Variants in RP1 observed in about 807,000 individuals in gnomAD.
RP1 encodes the protein RP1 axonemal microtubule associated, also known as oxygen-regulated protein 1.
RP1 carries 16 observed loss-of-function variants against 14.8 expected under a neutral mutation model. That is an observed-to-expected ratio of 1.08 (90% confidence interval 0.73 to 1.65). The LOEUF is 1.65. Ranked by LOEUF, RP1 falls within the 40% of genes most tolerant of loss-of-function variation. RP1 has a pLI of 0.00. For missense variants in RP1, 2,631 were observed against 2,535.0 expected, an observed-to-expected ratio of 1.04 and a Z score of -0.81; for synonymous variants, 876 against 883.6, an observed-to-expected ratio of 0.99 and a Z score of 0.15.
At chr8:54,823,636 CT>C (rs1037079010) in intron 24 of RP1, among the ~76,000 whole-genome samples, 1 of 151,960 alleles carries the variant, frequency 6.6e-6, no homozygotes, top group African/African-American at 2.4e-5. Flanking sequence ...AGCCAGTTTG[CT>C]TTTTTTTATT....
At position 54,837,525 on chromosome 8, in the gene RP1, T is replaced by C. The variant is rs116299656; in HGVS notation, c.3691T>C (p.Tyr1231His). 3.7e-4 allele frequency: 455 copies of C among 1,231,592 alleles called. No homozygotes were observed. The African/African-American group carries it at 6.5e-3, about 18-fold the overall frequency. 76.3% of individuals were successfully genotyped at this position (1,231,592 alleles called of 1,614,324 possible). ...CAACACTGGAAAGAATCCCAGGTGG[T>C]ATCTGGAAGAAGTTAGACTTGAAAA... The change falls in exon 25 of 29, where the codon TAT becomes CAT. Residue 1231 changes from tyrosine to histidine, a missense_variant. Physicochemically the swap from Tyr to His is moderately conservative, Grantham distance 83. Transcript: ENST00000637698.
chr8:54,819,937 G>A (rs538678253), intron 24 of RP1, among the ~76,000 whole-genome samples: 7 of 152,032 alleles, frequency 4.6e-5, no homozygotes, highest in African/African-American at 7.3e-5. Flanking sequence ...TGGGTCTCAC[G>A]CAAGATCCGC....
intron 24 of RP1, among the ~76,000 whole-genome samples, chr8:54,829,792 G>A (rs1477239537): frequency 6.6e-6 from 1 of 152,038 alleles, no homozygotes; most frequent in African/African-American, 2.4e-5. Flanking sequence ...CCCTTATCTG[G>A]TGAGAAAAGT....
intron 25 of RP1, among the ~76,000 whole-genome samples, chr8:54,847,260 T>G (rs1017632448): frequency 6.6e-6 from 1 of 152,226 alleles, no homozygotes; most frequent in African/African-American, 2.4e-5. Context: ...TCACAAGTGA[T>G]GTCTCTTCTA....
At position 54,785,774 on chromosome 8, in the gene RP1, T is replaced by C. The variant is rs185677553; in HGVS notation, c.3615+2064T>C. 5.9e-5 allele frequency among the ~76,000 whole-genome samples: 9 copies of C among 152,246 alleles called. No homozygotes were observed. The East Asian group carries it at 1.5e-3, about 26-fold the overall frequency. On this transcript the variant is annotated intron_variant, in intron 24 of 28. Coordinates refer to the RP1 transcript ENST00000637698. ...ATTGTGATTTTGATATGTATTTCCT[T>C]AATGACTAATGATGTTGAGCACCTT... is the stretch of plus-strand genomic sequence containing the variant.
rs771475321 is a variant in RP1, at chr8:54,626,622, A to G, written c.2740A>G (p.Asn914Asp). The G allele has an allele frequency of 1.9e-6, 3 of 1,613,636 alleles. No homozygotes were observed. The highest frequency in any genetic ancestry group is 1.7e-4 in the Middle Eastern group (1 of 6,060). The change falls in exon 4 of 4, where the codon AAT becomes GAT. Residue 914 changes from asparagine to aspartate, a missense_variant. Asn to Asp is a conservative substitution (Grantham distance 23). Coordinates refer to ENST00000220676, the MANE Select transcript of RP1 (RefSeq NM_006269.2). ...PEAIAHHSIQ[N>D]YIQSWLQNIN... The stretch of plus-strand genomic sequence containing the variant: ...GGCTATTGCTCATCATTCAATTCAA[A>G]ATTATATACAGAGTTGGTTGCAGAA...
intron 24 of RP1, among the ~76,000 whole-genome samples, chr8:54,813,860 A>G (rs942585061): frequency 3.3e-5 from 5 of 152,212 alleles, no homozygotes; most frequent in African/African-American, 1.2e-4. Flanking sequence ...GAATTGTCCA[A>G]ATGTTTTAGC....
chr8:54,663,471 G>A (rs1806943739), intron 6 of RP1, among the ~76,000 whole-genome samples: 1 of 152,004 alleles, frequency 6.6e-6, no homozygotes, highest in Non-Finnish European at 1.5e-5. Flanking sequence ...CAATTTTATT[G>A]TTATTGTTAA....
intron 27 of RP1, among the ~76,000 whole-genome samples, chr8:54,860,310 G>A (rs1008602632): frequency 1.3e-5 from 2 of 152,024 alleles, no homozygotes; most frequent in Non-Finnish European, 2.9e-5. Flanking sequence ...GTGCAGGTAC[G>A]GGAGGGACAA....
chr8:54,772,645 A>C (rs1046286680), downstream of RP1, among the ~76,000 whole-genome samples: 8 of 152,332 alleles, frequency 5.3e-5, no homozygotes, highest in Non-Finnish European at 1.2e-4. Flanking sequence ...CAGGTGATGA[A>C]ACTAAAGGAC....
chr8:54,698,076 A>G (rs971684433), intron 12 of RP1, among the ~76,000 whole-genome samples: 1 of 152,228 alleles, frequency 6.6e-6, no homozygotes, highest in African/African-American at 2.4e-5. Context: ...CTGCACAGCA[A>G]AAGAAACTAT....
At chr8:54,684,550 G>C (rs534396620) in intron 12 of RP1, among the ~76,000 whole-genome samples, 1 of 152,160 alleles carries the variant, frequency 6.6e-6, no homozygotes, top group South Asian at 2.1e-4. Flanking sequence ...GGGGGTGTGT[G>C]CATCCAGGAA....
chr8:54,641,725 T>G (rs1195154026), intron 3 of RP1, among the ~76,000 whole-genome samples: 2 of 152,206 alleles, frequency 1.3e-5, no homozygotes, highest in Admixed American at 6.5e-5. Flanking sequence ...ACAATTATAA[T>G]GAAAATAACT....
intron 19 of RP1, among the ~76,000 whole-genome samples, chr8:54,750,934 G>T (rs946560950): frequency 1.3e-5 from 2 of 152,202 alleles, no homozygotes; most frequent in African/African-American, 4.8e-5. Context: ...GGGAATAAAA[G>T]CTGGCCACGC....
intron 15 of RP1, among the ~76,000 whole-genome samples, chr8:54,718,379 T>C (rs905560107): frequency 6.6e-6 from 1 of 152,142 alleles, no homozygotes; most frequent in Admixed American, 6.5e-5. Context: ...CAGAGATCAA[T>C]GGAGCAGAAT....
At chr8:54,780,742 T>G (rs530255230) in intron 23 of RP1, among the ~76,000 whole-genome samples, 1 of 152,202 alleles carries the variant, frequency 6.6e-6, no homozygotes, top group Non-Finnish European at 1.5e-5. Flanking sequence ...ACAGAAATAC[T>G]ACACCATTGT....
At chr8:54,756,792 G>T (rs1184737486) in intron 21 of RP1, among the ~76,000 whole-genome samples, 1 of 152,138 alleles carries the variant, frequency 6.6e-6, no homozygotes, top group East Asian at 1.9e-4. Context: ...CCTGCTAGTT[G>T]GCTGCCAGCA....
At chr8:54,593,838 G>T (rs1299229582) in intron 1 of RP1, among the ~76,000 whole-genome samples, 1 of 152,214 alleles carries the variant, frequency 6.6e-6, no homozygotes, top group African/African-American at 2.4e-5. Flanking sequence ...TCCGTGGGGT[G>T]CTCACAGGAG....
At position 54,793,610 on chromosome 8, in the gene RP1, T is replaced by C. The variant is rs111689349; in HGVS notation, c.3615+9900T>C. Reference sequence around the variant, plus strand: ...CATCTCAACAGATACAGAAAAAGCATTTGACAAATTTCAACATGGTTTTGT... The same window carrying C: ...CATCTCAACAGATACAGAAAAAGCACTTGACAAATTTCAACATGGTTTTGT... On this transcript the variant is annotated intron_variant, in intron 24 of 28. Transcript: ENST00000637698. Among the ~76,000 whole-genome samples, 164 of 152,074 alleles carry C rather than the reference T, an allele frequency of 1.1e-3. 1 individual carries two copies. Among genetic ancestry groups the C allele is most frequent in the African/African-American group, 3.9e-3 (161 of 41,558 alleles).
Sources: allele counts gnomAD v4.1 joint callset (sites outside exome capture counted in the v4.1 genomes callset), GRCh38; gene constraint gnomAD v4.1.1; transcripts MANE v1.5; gene names NCBI Gene and HGNC (gene_info 2026-07-23, HGNC 2026-07-21).